Variants in ADAMTS16 observed in about 807,000 individuals in gnomAD.
ADAMTS16 encodes ADAM metallopeptidase with thrombospondin type 1 motif 16.
Under a neutral mutation model 145.8 loss-of-function variants are expected in ADAMTS16, and 94 were observed. That is an observed-to-expected ratio of 0.64 (90% CI 0.55 to 0.77). ADAMTS16 has a LOEUF of 0.77. ADAMTS16 is among the 30% of genes least tolerant of loss of function. The pLI, the probability that ADAMTS16 is intolerant of heterozygous loss-of-function variation, is 0.00. For synonymous variants in ADAMTS16, 659 were observed against 604.3 expected (o/e 1.09, Z -1.33); for missense variants, 1,585 against 1,591.5 (o/e 1.00, Z 0.07).
chr5:5,145,439 A>AG (rs1734268017), intron 2 of ADAMTS16, among the ~76,000 whole-genome samples: 3 of 152,206 alleles, frequency 2.0e-5, no homozygotes, highest in Non-Finnish European at 4.4e-5. Flanking sequence ...CAGTGATGGC[A>AG]CAGCAGTCAT....
intron 17 of ADAMTS16, among the ~76,000 whole-genome samples, chr5:5,256,713 C>A (rs1433056646): frequency 6.6e-6 from 1 of 152,216 alleles, no homozygotes; most frequent in African/African-American, 2.4e-5. Context: ...TGTGCAGAAT[C>A]ATCAATGATC....
At chr5:5,198,368 A>C (rs903734631) in intron 8 of ADAMTS16, among the ~76,000 whole-genome samples, 7 of 152,306 alleles carry the variant, frequency 4.6e-5, no homozygotes, top group African/African-American at 1.7e-4. Context: ...GGAGGCTAAA[A>C]TGACTACATC....
chr5:5,294,886 A>T (rs1338420894), intron 18 of ADAMTS16, among the ~76,000 whole-genome samples: 1 of 152,222 alleles, frequency 6.6e-6, no homozygotes, highest in Non-Finnish European at 1.5e-5. Flanking sequence ...CACCAGACAG[A>T]GATGTCTATA....
At chr5:5,273,840 C>A (rs1471162523) in intron 18 of ADAMTS16, among the ~76,000 whole-genome samples, 1 of 152,168 alleles carries the variant, frequency 6.6e-6, no homozygotes, top group Admixed American at 6.5e-5. Context: ...TCATGAAACA[C>A]TGAAAAGGAA....
intron 18 of ADAMTS16, among the ~76,000 whole-genome samples, chr5:5,286,829 G>T (rs999105076): frequency 3.2e-5 from 4 of 125,632 alleles, no homozygotes; most frequent in Non-Finnish European, 6.2e-5. Context: ...CTGCACTCCA[G>T]CCTGGGCGAT....
In ADAMTS16 at chr5:5,267,971, G is replaced by A. The variant is rs147058743; in HGVS notation, c.2789+5188G>A. On this transcript the variant is annotated intron_variant, in intron 18 of 22. Transcript: ENST00000274181. ...CTTAATAGGTGTTCGTAGGAGACAC[G>A]GATGAACCATGGTCCCATTAGGCCA... Among the ~76,000 whole-genome samples, 7 of 152,284 alleles carry A rather than the reference G, an allele frequency of 4.6e-5. No homozygotes were observed. In the East Asian group the frequency reaches 7.8e-4, roughly 17 times the overall value.
intron 18 of ADAMTS16, among the ~76,000 whole-genome samples, chr5:5,287,243 A>G (rs555554608): frequency 1.1e-3 from 170 of 152,312 alleles, no homozygotes; most frequent in African/African-American, 4.0e-3. Flanking sequence ...AGCAGCATCT[A>G]TTGGCCAGAA....
At chr5:5,279,722 G>T (rs1738826728) in intron 18 of ADAMTS16, among the ~76,000 whole-genome samples, 1 of 148,598 alleles carries the variant, frequency 6.7e-6, no homozygotes, top group South Asian at 2.2e-4. Flanking sequence ...TTTTTGTTTT[G>T]CTTTTGTTTG....
At chr5:5,160,008 A>T (rs1375927499) in intron 3 of ADAMTS16, among the ~76,000 whole-genome samples, 1 of 152,214 alleles carries the variant, frequency 6.6e-6, no homozygotes, top group African/African-American at 2.4e-5. Context: ...GCAGGTTATC[A>T]TTAGGTAATA....
chr5:5,181,481 T>G (rs1461030767), intron 3 of ADAMTS16, among the ~76,000 whole-genome samples: 1 of 152,260 alleles, frequency 6.6e-6, no homozygotes, highest in Non-Finnish European at 1.5e-5. Context: ...CTATTTCCTT[T>G]AATATCTTGC....
At chr5:5,208,982 T>C in intron 9 of ADAMTS16, 111 bp from the exon 10 acceptor site, 1 of 1,221,170 alleles carries the variant, frequency 8.2e-7, no homozygotes, top group Non-Finnish European at 1.1e-6. Context: ...CTCCTCTTTG[T>C]ATACACAATA....
chr5:5,232,892 C>T (rs376824812), intron 12 of ADAMTS16, among the ~76,000 whole-genome samples: 131 of 152,182 alleles, frequency 8.6e-4, no homozygotes, highest in African/African-American at 2.9e-3. Context: ...TATGAGCCAT[C>T]GCGCCCGGCC....
At chr5:5,281,508 T>G (rs1291636957) in intron 18 of ADAMTS16, among the ~76,000 whole-genome samples, 1 of 152,240 alleles carries the variant, frequency 6.6e-6, no homozygotes, top group Non-Finnish European at 1.5e-5. Flanking sequence ...TAAGGGAAAC[T>G]TCATTGCATA....
At chr5:5,301,705 A>G (rs963432841) in intron 18 of ADAMTS16, among the ~76,000 whole-genome samples, 1 of 152,100 alleles carries the variant, frequency 6.6e-6, no homozygotes, top group Non-Finnish European at 1.5e-5. Flanking sequence ...GGGGCACAGG[A>G]TGGAGGGTCA....
chr5:5,209,045 G>C (rs1051185424), intron 9 of ADAMTS16, 48 bp from the exon 10 acceptor site: 7 of 1,568,828 alleles, frequency 4.5e-6, no homozygotes, highest in African/African-American at 2.7e-5. Context: ...TAAGTCCTTT[G>C]GTTACTCTAC....
At chr5:5,262,344 T>C (rs1244307937) in intron 17 of ADAMTS16, among the ~76,000 whole-genome samples, 1 of 152,078 alleles carries the variant, frequency 6.6e-6, no homozygotes, top group Non-Finnish European at 1.5e-5. Flanking sequence ...ATGGAAAGAG[T>C]AGAAAAGAAG....
At chr5:5,287,032 A>C in intron 18 of ADAMTS16, among the ~76,000 whole-genome samples, 1 of 152,190 alleles carries the variant, frequency 6.6e-6, no homozygotes, top group East Asian at 1.9e-4. Context: ...TCAGAAAGGT[A>C]GTTTCAAGGA....
Position 5,147,505 on chromosome 5 carries a change from C to T in ADAMTS16, c.501+1050C>T, listed in dbSNP as rs180883589. 3.5e-3 allele frequency among the ~76,000 whole-genome samples: 530 copies of T among 152,226 alleles called. 1 individual carries two copies. Among genetic ancestry groups the T allele is most frequent in the Admixed American group, 9.2e-3 (141 of 15,298 alleles). On this transcript the variant is annotated intron_variant, in intron 3 of 22. Coordinates refer to ENST00000274181, the MANE Select transcript of ADAMTS16 (RefSeq NM_139056.4). ...ACTAAATATATGCAAATGCTAAATC[C>T]TGTAAAAAAATTTTTTTAGATGTTA...
At chr5:5,202,375 TA>T (rs1281275976) in intron 9 of ADAMTS16, among the ~76,000 whole-genome samples, 1 of 151,668 alleles carries the variant, frequency 6.6e-6, no homozygotes, top group Non-Finnish European at 1.5e-5. Flanking sequence ...GATCATTTTT[TA>T]AAAAAAAATT....
Sources: gnomAD v4.1 joint callset for allele counts (sites outside exome capture counted in the v4.1 genomes callset) on GRCh38, gnomAD v4.1.1 for gene constraint, MANE v1.5 for transcripts, NCBI Gene and HGNC (gene_info 2026-07-23, HGNC 2026-07-21) for gene names.